HPRT1: variants seen among roughly 807,000 people sequenced by gnomAD.
HPRT1 encodes hypoxanthine-guanine phosphoribosyltransferase.
In HPRT1, 4 loss-of-function variants were observed where a neutral mutation model predicts 19.0. The ratio of observed to expected loss-of-function variants is 0.21; its 90% CI spans 0.10 to 0.48. HPRT1 has a LOEUF of 0.48. Ranked by LOEUF, HPRT1 falls within the 20% of genes least tolerant of loss-of-function variation. HPRT1 has a pLI of 0.98. For synonymous variants in HPRT1, 53 were observed against 54.9 expected, an observed-to-expected ratio of 0.97 and a Z score of 0.15; for missense variants, 65 against 164.0, an observed-to-expected ratio of 0.40 and a Z score of 3.30.
chrX:134,462,941 G>A (rs2077588383), intron 1 of HPRT1, among the ~76,000 whole-genome samples: 1 of 111,972 alleles, frequency 8.9e-6, no homozygotes, highest in African/African-American at 3.2e-5. Flanking sequence ...TTGAACCTAA[G>A]TTTGTCTCAC....
chrX:134,486,712 C>T (rs1273544151), intron 4 of HPRT1, 182 bp downstream of exon 4: 1 of 439,975 alleles, frequency 2.3e-6, no homozygotes, highest in Admixed American at 2.8e-5. Context: ...ACAGTAGAAT[C>T]CAACATTAAC....
Position 134,482,104 on chromosome X carries a change from G to C in HPRT1, c.319-4361G>C, listed in dbSNP as rs753622854. On this transcript the variant is annotated intron_variant, in intron 3 of 8. Transcript: ENST00000298556. ...GGGTCTCACTCTGTCACCCAGGCTGGAGTGTAGTGGTGCAATCTCATCTCA... is the reference window on the plus strand; with the variant it reads ...GGGTCTCACTCTGTCACCCAGGCTGCAGTGTAGTGGTGCAATCTCATCTCA... 1.2e-4 allele frequency among the ~76,000 whole-genome samples: 13 copies of C among 111,706 alleles called. No individual in the cohort carries two copies. In the South Asian group the frequency reaches 4.9e-3, roughly 42 times the overall value.
intron 6 of HPRT1, among the ~76,000 whole-genome samples, chrX:134,497,583 G>A (rs1437309275): frequency 9.1e-6 from 1 of 110,427 alleles, no homozygotes; most frequent in East Asian, 2.8e-4. Context: ...GTGGTGAGTT[G>A]GGCGAGCCAT....
At position 134,498,449 on chromosome X, in the gene HPRT1, CTTTT is replaced by C. The variant is rs756174482; in HGVS notation, c.532+17_532+20del. ...TATAAGCCAGACTGTAAGTGAATTA[CTTTT>C]TTTGTCAATCATTTAACCATCTTTA... is the stretch of plus-strand genomic sequence containing the variant. On this transcript the variant is annotated intron_variant, in intron 7 of 8. Coordinates refer to ENST00000298556, the MANE Select transcript of HPRT1 (RefSeq NM_000194.3). The C allele has an allele frequency of 4.2e-6, 5 of 1,181,044 alleles. No individual in the cohort carries two copies. The highest frequency in any genetic ancestry group is 3.5e-6 in the Non-Finnish European group (3 of 868,438).
intron 1 of HPRT1, among the ~76,000 whole-genome samples, chrX:134,466,801 C>T (rs377589560): frequency 8.0e-5 from 9 of 111,958 alleles, no homozygotes; most frequent in African/African-American, 2.9e-4. Context: ...GTCTCCTTTA[C>T]TCAGTTTACA....
chrX:134,486,409 A>G, intron 3 of HPRT1, 56 bp from the exon 4 acceptor site: 1 of 645,311 alleles, frequency 1.5e-6, no homozygotes, highest in East Asian at 3.9e-5. Context: ...AAGGATATAC[A>G]TATACATATG....
At chrX:134,481,953 G>A (rs1407884497) in intron 3 of HPRT1, among the ~76,000 whole-genome samples, 1 of 112,267 alleles carries the variant, frequency 8.9e-6, no homozygotes, top group Non-Finnish European at 1.9e-5. Flanking sequence ...TCCCAAACCA[G>A]GCATAAAATG....
chrX:134,486,448 T>G lies in HPRT1; in HGVS notation c.319-17T>G, dbSNP rs779624622. 3.6e-5 allele frequency: 35 copies of G among 982,199 alleles called. No individual in the cohort carries two copies. Among genetic ancestry groups the G allele is most frequent in the Non-Finnish European group, 4.9e-5 (35 of 721,566 alleles). 80.9% of individuals were successfully genotyped at this position (982,199 alleles called of 1,213,427 possible). ...GTGTAGATATATATATATATAGTTT[T>G]TTTTTTTTTTAACTAGAATGACCAG... On this transcript the variant is annotated splice_polypyrimidine_tract_variant and intron_variant, in intron 3 of 8. Transcript: ENST00000298556.
At chrX:134,468,362 C>G (rs1003931078) in intron 1 of HPRT1, among the ~76,000 whole-genome samples, 3 of 110,122 alleles carry the variant, frequency 2.7e-5, no homozygotes, top group African/African-American at 6.6e-5. Flanking sequence ...CGCCTGTAAT[C>G]CCAGCACTTT....
At chrX:134,490,977 C>CCTCT (rs755918860) in intron 5 of HPRT1, among the ~76,000 whole-genome samples, 117 of 91,833 alleles carry the variant, frequency 1.3e-3, no homozygotes, top group African/African-American at 3.8e-3. Flanking sequence ...TCACTAACAG[C>CCTCT]CTCTCTCTCT....
chrX:134,461,192 T>C (rs1238858784), intron 1 of HPRT1, among the ~76,000 whole-genome samples: 2 of 111,537 alleles, frequency 1.8e-5, no homozygotes, highest in African/African-American at 6.5e-5. Flanking sequence ...GCCAGTTAAA[T>C]ATGCTTTAGC....
At chrX:134,478,135 A>G (rs1305167481) in intron 3 of HPRT1, among the ~76,000 whole-genome samples, 1 of 112,292 alleles carries the variant, frequency 8.9e-6, no homozygotes, top group African/African-American at 3.2e-5. Context: ...TATGATTTTT[A>G]CATGCTGATC....
chrX:134,492,478 G>T, intron 5 of HPRT1: 1 of 329,562 alleles, frequency 3.0e-6, no homozygotes, highest in Non-Finnish European at 5.9e-6. Flanking sequence ...GCTGAATCAA[G>T]GGACTCATGA....
At chrX:134,465,066 G>A (rs1283162926) in intron 1 of HPRT1, among the ~76,000 whole-genome samples, 13 of 107,788 alleles carry the variant, frequency 1.2e-4, no homozygotes, top group Admixed American at 9.0e-4. Context: ...AATTACAGGC[G>A]CCCGCCACCA....
Position 134,493,494 on chromosome X carries a change from T to C in HPRT1, c.403-14T>C. The C allele has an allele frequency of 8.6e-7, 1 of 1,167,312 alleles. No homozygotes were observed. The highest frequency in any genetic ancestry group is 1.8e-5 in the South Asian group (1 of 56,022). On this transcript the variant is annotated splice_polypyrimidine_tract_variant and intron_variant, in intron 5 of 8. Transcript: ENST00000298556. ...TCTGAATTTAAAGCTATGCAATGTC[T>C]TCTTTTTTGAAAGGATATAATTGAC...
intron 6 of HPRT1, among the ~76,000 whole-genome samples, chrX:134,496,536 T>G (rs959875177): frequency 8.9e-6 from 1 of 112,179 alleles, no homozygotes; most frequent in Non-Finnish European, 1.9e-5. Flanking sequence ...TGATACCTTT[T>G]CTGGAGCATT....
chrX:134,485,514 A>G (rs1307858767), intron 3 of HPRT1, among the ~76,000 whole-genome samples: 1 of 111,721 alleles, frequency 9.0e-6, no homozygotes, highest in Admixed American at 9.6e-5. Flanking sequence ...TGAGGTAGGG[A>G]CCATACTTTT....
At chrX:134,486,330 A>G (rs1424596932) in intron 3 of HPRT1, 135 bp from the exon 4 acceptor site, 1 of 298,410 alleles carries the variant, frequency 3.4e-6, no homozygotes, top group Non-Finnish European at 5.8e-6. Context: ...TCATAATGCT[A>G]TGGATATTAG....
chrX:134,498,362 G>A (rs759719818), intron 6 of HPRT1, 28 bp from the exon 7 acceptor site: 4 of 1,151,439 alleles, frequency 3.5e-6, no homozygotes, highest in Non-Finnish European at 4.8e-6. Flanking sequence ...CTCTCTGTAT[G>A]TTATATGTCA....
Sources: gnomAD v4.1 joint callset for allele counts (sites outside exome capture counted in the v4.1 genomes callset) on GRCh38, gnomAD v4.1.1 for gene constraint, MANE v1.5 for transcripts, NCBI Gene and HGNC (gene_info 2026-07-23, HGNC 2026-07-21) for gene names.